The following MAST4 variants were observed in gnomAD, a reference collection of about 807,000 sequenced individuals.
MAST4 encodes the protein microtubule associated serine/threonine kinase family member 4.
Under a neutral mutation model 162.7 loss-of-function variants are expected in MAST4, and 89 were observed. That is an observed-to-expected ratio of 0.55 (90% CI 0.46 to 0.65). The LOEUF is 0.65. Ranked by LOEUF, MAST4 falls within the 30% of genes least tolerant of loss-of-function variation. The probability of loss-of-function intolerance (pLI) is 0.00; values close to 1 mark genes in which losing one functional copy is unlikely to be tolerated. For synonymous variants in MAST4, 1,479 were observed against 1,361.1 expected (o/e 1.09, Z -1.91); for missense variants, 3,153 against 3,374.0 (o/e 0.93, Z 1.62).
At chr5:66,717,863 C>T (rs1367117301) in intron 1 of MAST4, among the ~76,000 whole-genome samples, 2 of 152,170 alleles carry the variant, frequency 1.3e-5, no homozygotes, top group Non-Finnish European at 2.9e-5. Context: ...TTGTCTCAGT[C>T]ATTCCCAGTT....
intron 1 of MAST4, among the ~76,000 whole-genome samples, chr5:66,659,509 C>T (rs1746769034): frequency 1.3e-5 from 2 of 152,112 alleles, no homozygotes; most frequent in Admixed American, 1.3e-4. Context: ...GATTTGTAGG[C>T]CAAATGGTGA....
chr5:67,059,666 A>G (rs1759308189), intron 5 of MAST4, among the ~76,000 whole-genome samples: 1 of 152,202 alleles, frequency 6.6e-6, no homozygotes, highest in South Asian at 2.1e-4. Flanking sequence ...TTGTTTTACT[A>G]TGAATTTGCA....
chr5:66,849,205 A>T (rs1241529377), intron 3 of MAST4, among the ~76,000 whole-genome samples: 1 of 152,062 alleles, frequency 6.6e-6, no homozygotes, highest in African/African-American at 2.4e-5. Flanking sequence ...TGCAGAGCTG[A>T]TGGAAATTTT....
At chr5:66,676,867 A>G (rs907188592) in intron 1 of MAST4, among the ~76,000 whole-genome samples, 3 of 152,238 alleles carry the variant, frequency 2.0e-5, no homozygotes, top group African/African-American at 4.8e-5. Context: ...AGTCTCTTTC[A>G]TACTTTAAAA....
At chr5:66,974,053 T>A (rs561488409) in intron 4 of MAST4, among the ~76,000 whole-genome samples, 12 of 152,268 alleles carry the variant, frequency 7.9e-5, no homozygotes, top group African/African-American at 2.6e-4. Context: ...GATACCTGAG[T>A]GGCGCTCTCC....
At chr5:66,779,626 C>G (rs1754761040) in intron 2 of MAST4, among the ~76,000 whole-genome samples, 1 of 152,036 alleles carries the variant, frequency 6.6e-6, no homozygotes, top group African/African-American at 2.4e-5. Context: ...TGAAAGAAAC[C>G]ATGTCTCTCT....
intron 1 of MAST4, among the ~76,000 whole-genome samples, chr5:66,654,661 CAAT>C (rs1244456893): frequency 6.6e-6 from 1 of 151,982 alleles, no homozygotes; most frequent in African/African-American, 2.4e-5. Flanking sequence ...TTTGCTTCAT[CAAT>C]AAAACCATTT....
chr5:66,667,130 G>A (rs1192199302), intron 1 of MAST4, among the ~76,000 whole-genome samples: 1 of 152,128 alleles, frequency 6.6e-6, no homozygotes, highest in African/African-American at 2.4e-5. Flanking sequence ...CCATACCTGT[G>A]TATGCCTGTC....
intron 3 of MAST4, among the ~76,000 whole-genome samples, chr5:66,882,553 C>G (rs1332072781): frequency 6.6e-6 from 1 of 152,128 alleles, no homozygotes; most frequent in Non-Finnish European, 1.5e-5. Flanking sequence ...AAGCCCATTT[C>G]ATTCTAATAT....
intron 5 of MAST4, among the ~76,000 whole-genome samples, chr5:67,055,312 A>T (rs1301611538): frequency 6.6e-6 from 1 of 152,210 alleles, no homozygotes; most frequent in African/African-American, 2.4e-5. Flanking sequence ...GATCTGTGTT[A>T]TAGGAAGGTA....
chr5:67,006,357 C>T (rs187889350), intron 4 of MAST4, among the ~76,000 whole-genome samples: 1 of 152,336 alleles, frequency 6.6e-6, no homozygotes, highest in East Asian at 1.9e-4. Flanking sequence ...CAGAGACCCT[C>T]TCTTGTAGTA....
intron 5 of MAST4, among the ~76,000 whole-genome samples, chr5:67,071,905 C>T (rs1257786245): frequency 6.6e-6 from 1 of 151,858 alleles, no homozygotes; most frequent in Non-Finnish European, 1.5e-5. Context: ...TGATAATTCA[C>T]TAATAGCAAT....
chr5:66,648,065 TGTGTGTGTGTGTGTGTGTGA>T (rs1167747509), intron 1 of MAST4, among the ~76,000 whole-genome samples: 15 of 131,390 alleles, frequency 1.1e-4, no homozygotes, highest in Admixed American at 1.1e-3. Flanking sequence ...TGTGTGTGTG[TGTGTGTGTGTGTGTGTGTGA>T]GAGAGAGAGA....
At chr5:67,076,046 G>A (rs1401850077) in intron 5 of MAST4, among the ~76,000 whole-genome samples, 1 of 152,050 alleles carries the variant, frequency 6.6e-6, no homozygotes, top group African/African-American at 2.4e-5. Context: ...TGTGGGAGAT[G>A]CACCTTGATT....
At chr5:66,693,746 G>A (rs991281156) in intron 1 of MAST4, among the ~76,000 whole-genome samples, 5 of 129,398 alleles carry the variant, frequency 3.9e-5, no homozygotes, top group African/African-American at 6.0e-5. Flanking sequence ...TATGGTCCTC[G>A]CTCTCCTAGA....
chr5:67,076,033 C>G (rs879331447), intron 5 of MAST4, among the ~76,000 whole-genome samples: 9 of 152,034 alleles, frequency 5.9e-5, no homozygotes, highest in African/African-American at 1.9e-4. Flanking sequence ...TCTACTGCTC[C>G]ACTGTGGGAG....
At chr5:67,002,440 A>C (rs1319321186) in intron 4 of MAST4, among the ~76,000 whole-genome samples, 1 of 152,262 alleles carries the variant, frequency 6.6e-6, no homozygotes, top group East Asian at 1.9e-4. Context: ...GAAGATCAGT[A>C]AAATGTGACT....
At chr5:66,768,204 C>T (rs1038807760) in intron 2 of MAST4, among the ~76,000 whole-genome samples, 20 of 152,156 alleles carry the variant, frequency 1.3e-4, no homozygotes, top group Admixed American at 2.0e-4. Flanking sequence ...TATGAAGGGT[C>T]AGTGAGATCC....
intron 4 of MAST4, chr5:67,004,762 A>T (rs1751764999): frequency 2.0e-6 from 1 of 489,952 alleles, no homozygotes; most frequent in Non-Finnish European, 3.7e-6. Flanking sequence ...AGTTTCCCGG[A>T]CCTTTGAGAG....
Sources: gnomAD v4.1 joint callset for allele counts (sites outside exome capture counted in the v4.1 genomes callset) on GRCh38, gnomAD v4.1.1 for gene constraint, MANE v1.5 for transcripts, NCBI Gene and HGNC (gene_info 2026-07-23, HGNC 2026-07-21) for gene names.